Variants in NLRC5 observed in about 807,000 individuals in gnomAD.
The protein encoded by NLRC5 is NLR family CARD domain containing 5, also known as protein NLRC5.
A neutral mutation model predicts 206.9 loss-of-function variants in NLRC5; 114 were observed. That is an observed-to-expected ratio of 0.55 (90% CI 0.47 to 0.64). The LOEUF (loss-of-function observed/expected upper bound fraction) is 0.64, where lower values mean the gene tolerates loss of function less well. Among genes scored for constraint, NLRC5 ranks in the 30% least tolerant of loss-of-function variants. NLRC5 has a pLI of 0.00. For missense variants in NLRC5, 2,008 were observed against 2,305.5 expected, an observed-to-expected ratio of 0.87 and a Z score of 2.64; for synonymous variants, 952 against 962.8, an observed-to-expected ratio of 0.99 and a Z score of 0.21.
At chr16:57,031,324 G>T in intron 10 of NLRC5, 80 bp from the exon 11 acceptor site, 2 of 1,436,846 alleles carry the variant, frequency 1.4e-6, no homozygotes, top group Admixed American at 3.5e-5. Context: ...AACATTTGGG[G>T]CAGAAAAGGG....
intron 24 of NLRC5, chr16:57,052,478 A>AC (rs1461403012): frequency 1.3e-5 from 2 of 152,160 alleles, no homozygotes; most frequent in Non-Finnish European, 2.9e-5. Context: ...CATCTCAGAA[A>AC]AAAAAAAAGA....
At position 57,051,626 on chromosome 16, in the gene NLRC5, G is replaced by C. The variant is rs1274574461; in HGVS notation, c.3506+5G>C. 6 of 1,611,934 alleles carry C rather than the reference G, an allele frequency of 3.7e-6. No individual in the cohort carries two copies. Among genetic ancestry groups the C allele is most frequent in the Non-Finnish European group, 5.1e-6 (6 of 1,177,976 alleles). On this transcript the variant is annotated splice_donor_5th_base_variant and intron_variant, in intron 24 of 48. Transcript: ENST00000688547. ...CCCTCAGCTGAGCCTGCTGCAGTAA[G>C]ACGAGAGTTTTTCCTATTTCCCGGT...
In NLRC5 at chr16:57,077,936, C is replaced by G; in HGVS notation, c.5004-7C>G. On this transcript the variant is annotated splice_polypyrimidine_tract_variant and splice_region_variant and intron_variant, in intron 42 of 48. Coordinates refer to ENST00000688547, the MANE Select transcript of NLRC5 (RefSeq NM_001384950.1). ...AGTACTCAATGCTCATTCCTCTCCT[C>G]TTCCAGGCTTGGCTGCAATGCCCTG... The G allele has an allele frequency of 6.2e-7, 1 of 1,613,350 alleles. No individual in the cohort carries two copies. The highest frequency in any genetic ancestry group is 1.1e-5 in the South Asian group (1 of 90,982).
Position 57,025,351 on chromosome 16 carries a change from G to T in NLRC5, c.425-17G>T. ...CCGGGGGGTCCTCTCCTCATGCCAT[G>T]TCCCTGCCCCTTGCAGAGTTGGCCA... On this transcript the variant is annotated splice_polypyrimidine_tract_variant and intron_variant, in intron 5 of 48. Coordinates refer to ENST00000688547, the MANE Select transcript of NLRC5 (RefSeq NM_001384950.1). The T allele has an allele frequency of 6.6e-7, 1 of 1,522,500 alleles. No homozygotes were observed. The highest frequency in any genetic ancestry group is 8.8e-7 in the Non-Finnish European group (1 of 1,136,346). The allele number at this position is 1,522,500 out of a possible 1,614,324, so 94.3% of individuals were successfully genotyped here.
At chr16:57,017,598 A>G (rs1222962609) in intron 2 of NLRC5, among the ~76,000 whole-genome samples, 4 of 152,046 alleles carry the variant, frequency 2.6e-5, no homozygotes, top group Non-Finnish European at 5.9e-5. Flanking sequence ...TTGCTCCTCC[A>G]CATCATCCTG....
intron 6 of NLRC5, 86 bp downstream of exon 6, chr16:57,027,104 G>A (rs1461150636): frequency 4.1e-6 from 6 of 1,456,916 alleles, no homozygotes; most frequent in Middle Eastern, 1.9e-4. Flanking sequence ...TCTGCCAAGA[G>A]GACTGGATAA....
Position 57,025,715 on chromosome 16 carries a change from C to T in NLRC5, c.772C>T (p.Leu258Phe). The T allele has an allele frequency of 1.2e-6, 2 of 1,614,230 alleles. No individual in the cohort carries two copies. Among genetic ancestry groups the T allele is most frequent in the Non-Finnish European group, 1.7e-6 (2 of 1,180,042 alleles). The change falls in exon 6 of 49, where the codon CTT becomes TTT. Residue 258 changes from leucine (L) to phenylalanine (F), a missense_variant. By Grantham distance (22) the Leu-to-Phe change is conservative. Coordinates refer to ENST00000688547, the MANE Select transcript of NLRC5 (RefSeq NM_001384950.1). ...TCTGAACTGTTTCCAGGCCCTGTTCCTTTTTGAATTCCGCCAGCTCAACTT... is the reference window on the plus strand; with the variant it reads ...TCTGAACTGTTTCCAGGCCCTGTTCTTTTTTGAATTCCGCCAGCTCAACTT... ...GHLNCFQALF[L>F]FEFRQLNLIT...
chr16:56,989,705 G>A (rs903800548), intron 1 of NLRC5, 88 bp downstream of exon 1: 3 of 152,402 alleles, frequency 2.0e-5, no homozygotes, highest in Non-Finnish European at 4.4e-5. Context: ...TGCACGGAGA[G>A]GGGTGGAGGG....
chr16:57,067,026 T>C (rs888168899), intron 34 of NLRC5, among the ~76,000 whole-genome samples: 3 of 152,160 alleles, frequency 2.0e-5, no homozygotes, highest in Non-Finnish European at 4.4e-5. Context: ...CTCTTATAGA[T>C]CCCTGGATTC....
chr16:57,015,925 C>CAAAAAAAAAAAAAAAAA (rs35216159), intron 1 of NLRC5, among the ~76,000 whole-genome samples: 7 of 39,658 alleles, frequency 1.8e-4, no homozygotes, highest in Non-Finnish European at 2.9e-4. Flanking sequence ...AACTCCATCT[C>CAAAAAAAAAAAAAAAAA]AAAAAAAAAA....
At position 57,026,182 on chromosome 16, in the gene NLRC5, T is replaced by A. The variant is rs2061255391; in HGVS notation, c.1239T>A (p.Cys413Ter). Residue 413 changes from cysteine (C) to a stop codon, truncating the protein, a stop_gained, in exon 6 of 49, where the codon TGT becomes TGA. Transcript: ENST00000688547. LOFTEE classifies it high-confidence loss of function. ...TGCCCGCACTGTGCCAAGTCGCCTGTCTCTGCCTCCACCATCTGCTTCCTG... is the reference window on the plus strand; with the variant it reads ...TGCCCGCACTGTGCCAAGTCGCCTGACTCTGCCTCCACCATCTGCTTCCTG... ...CAVPALCQVA[C>*]LCLHHLLPDH... 2 of 1,613,768 alleles carry A rather than the reference T, an allele frequency of 1.2e-6. No homozygotes were observed. Among genetic ancestry groups the A allele is most frequent in the Non-Finnish European group, 1.7e-6 (2 of 1,180,050 alleles).
intron 23 of NLRC5, among the ~76,000 whole-genome samples, chr16:57,050,884 G>A (rs547842204): frequency 1.1e-3 from 169 of 152,144 alleles, no homozygotes; most frequent in African/African-American, 3.7e-3. Context: ...ATAGAGACTC[G>A]CTCTGTCACC....
In NLRC5 at chr16:57,025,884, AG is replaced by A; in HGVS notation, c.942del (p.Gln314HisfsTer29). ...TTTGATGGGCTAGATGAGGCCCTCC[AG>A]CCTATGGGTCCTGATGGCCCAGGCC... ...LIFDGLDEAL[Q>X]PMGPDGPGPV... On this transcript the variant is annotated frameshift_variant, in exon 6 of 49. Transcript: ENST00000688547. LOFTEE classifies it high-confidence loss of function. 1 of 1,614,230 alleles carries A rather than the reference AG, an allele frequency of 6.2e-7. No homozygotes were observed. The highest frequency in any genetic ancestry group is 8.5e-7 in the Non-Finnish European group (1 of 1,180,042).
At position 57,040,654 on chromosome 16, in the gene NLRC5, G is replaced by T. The variant is rs762383790; in HGVS notation, c.2875G>T (p.Ala959Ser). Residue 959 changes from alanine (A) to serine (S), a missense_variant, in exon 17 of 49, where the codon GCA (alanine) becomes TCA (serine). Physicochemically the swap from Ala to Ser is moderately conservative, Grantham distance 99 (BLOSUM62 1). Transcript: ENST00000688547. ...EEQKGPQERAAFLDSLMLQMP... is the reference protein window; with the variant it reads ...EEQKGPQERASFLDSLMLQMP... ...GCCTTGGTGATGTCCCTCCAGGGCT[G>T]CATTTCTTGACAGCCTCATGCTCCA... 3 of 1,614,128 alleles carry T rather than the reference G, an allele frequency of 1.9e-6. No individual in the cohort carries two copies. The highest frequency in any genetic ancestry group is 8.5e-7 in the Non-Finnish European group (1 of 1,179,968).
At chr16:57,012,852 C>G (rs757381075) in intron 1 of NLRC5, among the ~76,000 whole-genome samples, 8 of 152,308 alleles carry the variant, frequency 5.3e-5, no homozygotes, top group Non-Finnish European at 1.0e-4. Flanking sequence ...TGTCCTGTTT[C>G]TTTACATCCT....
chr16:57,056,068 T>G (rs1427859170), intron 27 of NLRC5, among the ~76,000 whole-genome samples: 2 of 152,214 alleles, frequency 1.3e-5, no homozygotes, highest in East Asian at 3.8e-4. Flanking sequence ...CCCTGGATAC[T>G]AGTATTGTTC....
chr16:57,025,425 G>A lies in NLRC5; in HGVS notation c.482G>A (p.Ser161Asn), dbSNP rs779987156. 33 of 1,584,384 alleles carry A rather than the reference G, an allele frequency of 2.1e-5. No individual in the cohort carries two copies. Among genetic ancestry groups the A allele is most frequent in the Non-Finnish European group, 2.6e-5 (30 of 1,166,454 alleles). Residue 161 changes from serine (S) to asparagine (N), a missense_variant, in exon 6 of 49, where the codon AGC becomes AAC. By Grantham distance (46) the Ser-to-Asn change is conservative. Transcript: ENST00000688547. ...ACCTCTGCCCAGCAGCGCTACAGGA[G>A]CCAAATCCCTGGGTCAGGGCAGCCC... is the stretch of plus-strand genomic sequence containing the variant. ...LRTSAQQRYR[S>N]QIPGSGQPHA...
intron 30 of NLRC5, among the ~76,000 whole-genome samples, chr16:57,060,984 C>T (rs1190201789): frequency 6.6e-6 from 1 of 152,220 alleles, no homozygotes; most frequent in Admixed American, 6.5e-5. Context: ...GGAGCTCAGC[C>T]AGTGCTGGTC....
chr16:57,059,608 C>G, intron 30 of NLRC5, 76 bp downstream of exon 30: 1 of 1,367,546 alleles, frequency 7.3e-7, no homozygotes, highest in African/African-American at 1.5e-5. Context: ...TCCATGGCCC[C>G]CTCTTCCCTG....
Sources: allele counts gnomAD v4.1 joint callset (sites outside exome capture counted in the v4.1 genomes callset), GRCh38; gene constraint gnomAD v4.1.1; transcripts MANE v1.5; gene names NCBI Gene and HGNC (gene_info 2026-07-23, HGNC 2026-07-21).